The following TRMT11 variants were observed in gnomAD, a reference collection of about 807,000 sequenced individuals.
TRMT11 encodes tRNA (guanine(10)-N(2))-methyltransferase TRMT11.
A neutral mutation model predicts 62.8 loss-of-function variants in TRMT11; 53 were observed. That is an observed-to-expected ratio of 0.84 (90% CI 0.68 to 1.06). TRMT11 has a LOEUF of 1.06. TRMT11 is among the 50% of genes least tolerant of loss of function. TRMT11 has a pLI of 0.00. For missense variants in TRMT11, 556 were observed against 553.4 expected (o/e 1.00, Z -0.05); for synonymous variants, 188 against 190.3 (o/e 0.99, Z 0.10).
At chr6:126,026,394 A>AT (rs566248407) in intron 12 of TRMT11, among the ~76,000 whole-genome samples, 38 of 149,254 alleles carry the variant, frequency 2.5e-4, no homozygotes, top group South Asian at 8.5e-4. Context: ...TTTTTTTTTA[A>AT]TTTTTTTTTT....
chr6:126,239,509 T>G, the TRMT11 span, among the ~76,000 whole-genome samples: 1 of 152,190 alleles, frequency 6.6e-6, no homozygotes, highest in African/African-American at 2.4e-5. Flanking sequence ...TGAAAATTCT[T>G]TTCTTTAAGA....
intron 17 of TRMT11, among the ~76,000 whole-genome samples, chr6:126,112,723 A>C (rs1777545866): frequency 6.6e-6 from 1 of 151,964 alleles, no homozygotes; most frequent in Non-Finnish European, 1.5e-5. Flanking sequence ...GCATTCTCTC[A>C]TCTGTCATTT....
At chr6:126,152,775 C>T (rs547144455) in intron 21 of TRMT11, among the ~76,000 whole-genome samples, 4 of 152,182 alleles carry the variant, frequency 2.6e-5, no homozygotes, top group Admixed American at 2.0e-4. Flanking sequence ...AGATTGAAGC[C>T]ATGTTGATTT....
chr6:126,029,888 T>C (rs976174610), intron 12 of TRMT11, among the ~76,000 whole-genome samples: 2 of 152,186 alleles, frequency 1.3e-5, no homozygotes, highest in Non-Finnish European at 2.9e-5. Flanking sequence ...CCCCAATGTT[T>C]TTTTTATAAG....
At position 126,008,422 on chromosome 6, in the gene TRMT11, G is replaced by A; in HGVS notation, c.710G>A (p.Gly237Asp). ...GGLLIACAHF[G>D]AYVYGTDIDY... ...CTGCTGATAGCATGTGCTCATTTTG[G>A]TGCATATGTGTATGGGACAGACATA... The change falls in exon 8 of 13, where the codon GGT (glycine) becomes GAT (aspartate). Residue 237 changes from glycine (G) to aspartate (D), a missense_variant. Gly to Asp is a moderately conservative substitution (Grantham distance 94). Transcript: ENST00000334379. 8.1e-6 allele frequency: 13 copies of A among 1,613,104 alleles called. No individual in the cohort carries two copies. The highest frequency in any genetic ancestry group is 1.0e-5 in the Non-Finnish European group (12 of 1,179,260).
intron 17 of TRMT11, among the ~76,000 whole-genome samples, chr6:126,091,681 A>G (rs1031726464): frequency 6.6e-6 from 1 of 152,176 alleles, no homozygotes; most frequent in Admixed American, 6.5e-5. Flanking sequence ...CTGATGCTCA[A>G]CAGGAAAGGC....
intron 17 of TRMT11, among the ~76,000 whole-genome samples, chr6:126,079,376 G>T (rs986807986): frequency 6.6e-6 from 1 of 152,124 alleles, no homozygotes; most frequent in African/African-American, 2.4e-5. Context: ...AGGTTGAGAT[G>T]CCACAGCTTC....
At chr6:126,010,980 A>C (rs888534756) in intron 8 of TRMT11, among the ~76,000 whole-genome samples, 2 of 152,174 alleles carry the variant, frequency 1.3e-5, no homozygotes, top group East Asian at 1.9e-4. Context: ...ATCTTACTAC[A>C]AAAATCTTCG....
chr6:126,091,520 T>C (rs192037056), intron 17 of TRMT11, among the ~76,000 whole-genome samples: 229 of 152,224 alleles, frequency 1.5e-3, no homozygotes, highest in African/African-American at 5.0e-3. Flanking sequence ...CCTGTTCTGG[T>C]TGTGTTGGGG....
chr6:126,083,513 A>G (rs775437075), intron 17 of TRMT11, among the ~76,000 whole-genome samples: 7 of 152,148 alleles, frequency 4.6e-5, no homozygotes, highest in Non-Finnish European at 1.0e-4. Flanking sequence ...GTGCATATGT[A>G]AGGTATACAA....
intron 3 of TRMT11, among the ~76,000 whole-genome samples, 169 bp downstream of exon 3, chr6:125,996,209 A>G (rs1791482304): frequency 6.6e-6 from 1 of 152,220 alleles, no homozygotes; most frequent in Admixed American, 6.5e-5. Flanking sequence ...TGCCGAAACC[A>G]AGGATGAAAG....
At chr6:126,199,425 C>T (rs145162587) in intron 2 of TRMT11, among the ~76,000 whole-genome samples, 55 of 152,228 alleles carry the variant, frequency 3.6e-4, no homozygotes, top group African/African-American at 1.0e-3. Context: ...TTGCTTTGGT[C>T]GAAGATTAGA....
At chr6:126,106,536 G>T (rs1350384605) in intron 17 of TRMT11, among the ~76,000 whole-genome samples, 1 of 152,130 alleles carries the variant, frequency 6.6e-6, no homozygotes, top group South Asian at 2.1e-4. Flanking sequence ...AAATAGGCTA[G>T]AATTCGAAGA....
At chr6:126,093,625 A>ATTTTTTTTTT (rs1483189635) in intron 17 of TRMT11, among the ~76,000 whole-genome samples, 2 of 103,522 alleles carry the variant, frequency 1.9e-5, no homozygotes, top group African/African-American at 9.6e-5. Context: ...ATATATATAT[A>ATTTTTTTTTT]TATATATTTT....
intron 2 of TRMT11, among the ~76,000 whole-genome samples, chr6:125,995,391 T>A (rs375336462): frequency 1.8e-4 from 28 of 152,180 alleles, no homozygotes; most frequent in African/African-American, 6.5e-4. Context: ...GCCTGTAATC[T>A]TGGGTGTTGG....
chr6:126,139,021 G>A (rs1287179892), intron 21 of TRMT11, among the ~76,000 whole-genome samples: 1 of 151,930 alleles, frequency 6.6e-6, no homozygotes, highest in Non-Finnish European at 1.5e-5. Context: ...AAACAATAAT[G>A]CATACTTAGC....
At chr6:126,182,004 T>G (rs950519596) in intron 1 of TRMT11, among the ~76,000 whole-genome samples, 1 of 152,214 alleles carries the variant, frequency 6.6e-6, no homozygotes, top group African/African-American at 2.4e-5. Context: ...AAAGAAATTG[T>G]AGACAGTTTC....
the TRMT11 span, among the ~76,000 whole-genome samples, chr6:126,263,645 C>T: frequency 6.6e-5 from 10 of 152,234 alleles, 1 homozygote; most frequent in South Asian, 2.1e-3. Flanking sequence ...GCTGCTGATC[C>T]CAAACTTTAT....
downstream of TRMT11, among the ~76,000 whole-genome samples, chr6:126,040,951 A>G (rs865777366): frequency 1.3e-4 from 19 of 152,000 alleles, no homozygotes; most frequent in African/African-American, 2.7e-4. Flanking sequence ...ATCTGCTACA[A>G]TTTTCTCAGC....
Sources: gnomAD v4.1 joint callset for allele counts (sites outside exome capture counted in the v4.1 genomes callset) on GRCh38, gnomAD v4.1.1 for gene constraint, MANE v1.5 for transcripts, NCBI Gene and HGNC (gene_info 2026-07-23, HGNC 2026-07-21) for gene names.